The following LRRC37A2 variants were observed in gnomAD, a reference collection of about 807,000 sequenced individuals.
LRRC37A2 encodes the protein leucine rich repeat containing 37 member A2.
Under a neutral mutation model 68.8 loss-of-function variants are expected in LRRC37A2, and 9 were observed. The ratio of observed to expected loss-of-function variants is 0.13; its 90% CI spans 0.08 to 0.23. The LOEUF (loss-of-function observed/expected upper bound fraction) is 0.23. Among genes scored for constraint, LRRC37A2 ranks in the 10% least tolerant of loss-of-function variants. The probability of loss-of-function intolerance (pLI) is 1.00; values close to 1 mark genes in which losing one functional copy is unlikely to be tolerated. For synonymous variants in LRRC37A2, 63 were observed against 367.6 expected, an observed-to-expected ratio of 0.17 and a Z score of 9.48; for missense variants, 168 against 950.4, an observed-to-expected ratio of 0.18 and a Z score of 10.82.
At chr17:46,923,344 C>T in the LRRC37A2 span, 6 of 1,522,690 alleles carry the variant, frequency 3.9e-6, no homozygotes, top group Non-Finnish European at 5.3e-6. Context: ...CAGGGCACTG[C>T]TGGGGATGCC....
the LRRC37A2 span, among the ~76,000 whole-genome samples, chr17:46,782,504 G>T: frequency 6.6e-6 from 1 of 152,248 alleles, no homozygotes; most frequent in African/African-American, 2.4e-5. Flanking sequence ...TTCTAGAAGG[G>T]AAAGGAAAGG....
At chr17:46,904,223 G>T in the LRRC37A2 span, among the ~76,000 whole-genome samples, 1 of 150,424 alleles carries the variant, frequency 6.6e-6, no homozygotes, top group African/African-American at 2.4e-5. Context: ...TGGGAAGGTG[G>T]GTAGATGGAT....
the LRRC37A2 span, chr17:47,035,101 T>C: frequency 1.3e-5 from 2 of 152,226 alleles, no homozygotes; most frequent in South Asian, 2.1e-4. Context: ...TCTGCCAGCA[T>C]GTTTGGTCTT....
the LRRC37A2 span, among the ~76,000 whole-genome samples, chr17:46,854,825 A>G: frequency 1.3e-5 from 2 of 151,440 alleles, no homozygotes; most frequent in Non-Finnish European, 2.9e-5. Context: ...ACACCCCACT[A>G]ATTTTTGTAT....
the LRRC37A2 span, among the ~76,000 whole-genome samples, chr17:47,000,437 G>A: frequency 2.0e-5 from 3 of 151,902 alleles, no homozygotes; most frequent in African/African-American, 2.4e-5. Context: ...GTTCTGCCAT[G>A]TTGGTCAGGC....
chr17:46,808,503 G>T, the LRRC37A2 span, among the ~76,000 whole-genome samples: 2 of 152,188 alleles, frequency 1.3e-5, no homozygotes, highest in Non-Finnish European at 2.9e-5. Context: ...AAGGAAAAAG[G>T]CTTTAGGTCC....
chr17:46,888,057 CATGTGA>C, the LRRC37A2 span, among the ~76,000 whole-genome samples: 1 of 152,166 alleles, frequency 6.6e-6, no homozygotes, highest in East Asian at 1.9e-4. Context: ...AATTCTGAAC[CATGTGA>C]ATGTATTCCT....
chr17:46,960,921 A>G, the LRRC37A2 span, among the ~76,000 whole-genome samples: 1 of 152,174 alleles, frequency 6.6e-6, no homozygotes, highest in African/African-American at 2.4e-5. Context: ...TGATGACACA[A>G]CTCTAAGTAT....
chr17:47,021,837 T>C, the LRRC37A2 span: 1 of 1,468,114 alleles, frequency 6.8e-7, no homozygotes. Context: ...ATATAAACTG[T>C]GTTTCTTCAC....
the LRRC37A2 span, among the ~76,000 whole-genome samples, chr17:46,842,017 G>A: frequency 2.0e-5 from 3 of 152,194 alleles, no homozygotes; most frequent in African/African-American, 7.2e-5. Context: ...GCTGGCCGCG[G>A]TGGCGCCCTC....
the LRRC37A2 span, among the ~76,000 whole-genome samples, chr17:47,015,813 G>C: frequency 6.6e-6 from 1 of 151,966 alleles, no homozygotes; most frequent in African/African-American, 2.4e-5. Context: ...CCACCAAGGA[G>C]ACTTCAAGCT....
At chr17:46,785,360 A>G in the LRRC37A2 span, among the ~76,000 whole-genome samples, 1 of 152,226 alleles carries the variant, frequency 6.6e-6, no homozygotes, top group Non-Finnish European at 1.5e-5. Flanking sequence ...CAGGAACAGA[A>G]AGGTGAGGTC....
the LRRC37A2 span, among the ~76,000 whole-genome samples, chr17:46,758,986 C>T: frequency 2.5e-4 from 38 of 152,164 alleles, no homozygotes; most frequent in African/African-American, 8.9e-4. Flanking sequence ...CGGGCAATCA[C>T]CTGAGGTCAG....
At chr17:46,820,575 G>A in the LRRC37A2 span, among the ~76,000 whole-genome samples, 264 of 152,186 alleles carry the variant, frequency 1.7e-3, 3 homozygotes, top group Admixed American at 0.017. Flanking sequence ...CAGAGATGGG[G>A]ATCCCTAGAG....
At chr17:46,834,994 C>T in the LRRC37A2 span, among the ~76,000 whole-genome samples, 1 of 144,994 alleles carries the variant, frequency 6.9e-6, no homozygotes, top group Non-Finnish European at 1.5e-5. Context: ...CCTTCTCCTT[C>T]TCCTTCTTCT....
the LRRC37A2 span, among the ~76,000 whole-genome samples, chr17:46,949,798 C>A: frequency 6.6e-6 from 1 of 152,138 alleles, no homozygotes; most frequent in African/African-American, 2.4e-5. Context: ...CAGAGGGAGT[C>A]ATCTAGCAAA....
At chr17:46,813,561 T>C in the LRRC37A2 span, among the ~76,000 whole-genome samples, 1 of 151,766 alleles carries the variant, frequency 6.6e-6, no homozygotes, top group Non-Finnish European at 1.5e-5. Flanking sequence ...CTGGAGAAGG[T>C]TTCTGTGGCT....
At chr17:46,937,748 A>G in the LRRC37A2 span, 1 of 152,206 alleles carries the variant, frequency 6.6e-6, no homozygotes, top group African/African-American at 2.4e-5. Flanking sequence ...ATTGTTACCT[A>G]TTTAATTCCA....
the LRRC37A2 span, among the ~76,000 whole-genome samples, chr17:47,022,452 G>A: frequency 6.6e-6 from 1 of 150,746 alleles, no homozygotes; most frequent in Non-Finnish European, 1.5e-5. Context: ...TTACAGGCAT[G>A]AGCCACCACC....
Sources: allele counts gnomAD v4.1 joint callset (sites outside exome capture counted in the v4.1 genomes callset), GRCh38; gene constraint gnomAD v4.1.1; transcripts MANE v1.5; gene names NCBI Gene and HGNC (gene_info 2026-07-23, HGNC 2026-07-21).